ARHGAP24: variants seen among roughly 807,000 people sequenced by gnomAD.
The protein encoded by ARHGAP24 is rho GTPase-activating protein 24.
Under a neutral mutation model 76.4 loss-of-function variants are expected in ARHGAP24, and 50 were observed. The observed-to-expected ratio is 0.65, with a 90% CI of 0.52 to 0.83. The LOEUF (loss-of-function observed/expected upper bound fraction) is 0.83, where lower values mean the gene tolerates loss of function less well. Ranked by LOEUF, ARHGAP24 falls within the 40% of genes least tolerant of loss-of-function variation. The probability of loss-of-function intolerance (pLI) is 0.00; values close to 1 mark genes in which losing one functional copy is unlikely to be tolerated. For missense variants in ARHGAP24, 930 were observed against 914.2 expected (o/e 1.02, Z -0.22); for synonymous variants, 345 against 323.3 (o/e 1.07, Z -0.72).
intron 2 of ARHGAP24, among the ~76,000 whole-genome samples, chr4:85,682,432 A>T (rs1229187383): frequency 6.6e-6 from 1 of 152,216 alleles, no homozygotes; most frequent in Non-Finnish European, 1.5e-5. Flanking sequence ...TCAGGCTTCC[A>T]TGTGGCCCTA....
chr4:85,906,232 C>G (rs992970601), intron 3 of ARHGAP24, among the ~76,000 whole-genome samples: 13 of 152,150 alleles, frequency 8.5e-5, no homozygotes, highest in African/African-American at 3.1e-4. Flanking sequence ...ACCCACCACT[C>G]ACATTAGGAA....
chr4:85,711,539 A>C (rs1451266400), intron 2 of ARHGAP24, among the ~76,000 whole-genome samples: 3 of 152,192 alleles, frequency 2.0e-5, no homozygotes, highest in African/African-American at 7.2e-5. Context: ...GATTTTTTAA[A>C]AATCAAATTC....
chr4:85,508,730 C>T (rs997905511), intron 1 of ARHGAP24, among the ~76,000 whole-genome samples: 2 of 152,162 alleles, frequency 1.3e-5, no homozygotes, highest in African/African-American at 4.8e-5. Context: ...CTGCTTTCAT[C>T]ATCTTTCTCC....
chr4:85,855,504 C>G (rs1373518150), intron 3 of ARHGAP24, among the ~76,000 whole-genome samples: 1 of 151,858 alleles, frequency 6.6e-6, no homozygotes, highest in African/African-American at 2.4e-5. Context: ...GTCAGGAGTT[C>G]GAGACCAGCC....
chr4:85,655,021 T>A (rs529578106), intron 2 of ARHGAP24, among the ~76,000 whole-genome samples: 6 of 152,232 alleles, frequency 3.9e-5, no homozygotes, highest in African/African-American at 1.4e-4. Context: ...CTCCCTTATA[T>A]TGGCATAAAA....
chr4:85,542,039 G>A (rs2110123586), intron 1 of ARHGAP24, among the ~76,000 whole-genome samples: 1 of 152,250 alleles, frequency 6.6e-6, no homozygotes, highest in East Asian at 1.9e-4. Context: ...TGAAAGTAAA[G>A]AGGTGACCCT....
At chr4:85,509,976 C>T (rs1322966342) in intron 1 of ARHGAP24, among the ~76,000 whole-genome samples, 1 of 152,128 alleles carries the variant, frequency 6.6e-6, no homozygotes, top group Non-Finnish European at 1.5e-5. Flanking sequence ...GATGCGCCTC[C>T]ATATGGATGC....
chr4:85,533,679 C>T (rs1032279363), intron 1 of ARHGAP24, among the ~76,000 whole-genome samples: 1 of 152,074 alleles, frequency 6.6e-6, no homozygotes, highest in Non-Finnish European at 1.5e-5. Flanking sequence ...ATCTTTCAGT[C>T]TCTGTGTCAG....
At chr4:85,504,815 C>G (rs1323064077) in intron 1 of ARHGAP24, among the ~76,000 whole-genome samples, 1 of 152,162 alleles carries the variant, frequency 6.6e-6, no homozygotes, top group African/African-American at 2.4e-5. Flanking sequence ...TTCATAGCAT[C>G]GATGGTCTTT....
intron 1 of ARHGAP24, among the ~76,000 whole-genome samples, chr4:85,498,138 CA>C (rs1174064520): frequency 3.3e-5 from 5 of 152,154 alleles, no homozygotes; most frequent in Non-Finnish European, 7.4e-5. Context: ...TGTGAGGAAA[CA>C]AAATACTTGT....
chr4:85,689,191 C>T (rs1210026811), intron 2 of ARHGAP24, among the ~76,000 whole-genome samples: 1 of 152,022 alleles, frequency 6.6e-6, no homozygotes, highest in Admixed American at 6.6e-5. Flanking sequence ...ATGGTTTATT[C>T]TTTCATTTAT....
At chr4:85,799,520 T>C (rs975497249) in intron 3 of ARHGAP24, among the ~76,000 whole-genome samples, 3 of 152,176 alleles carry the variant, frequency 2.0e-5, no homozygotes, top group Non-Finnish European at 4.4e-5. Context: ...GAAGTGAATA[T>C]TCTTTCTTAT....
At chr4:85,823,651 G>A (rs1365765860) in intron 3 of ARHGAP24, among the ~76,000 whole-genome samples, 2 of 152,190 alleles carry the variant, frequency 1.3e-5, no homozygotes, top group Non-Finnish European at 2.9e-5. Context: ...TGCTTTAGGT[G>A]TGTGTGTTTG....
intron 3 of ARHGAP24, among the ~76,000 whole-genome samples, chr4:85,815,467 G>A (rs1236350380): frequency 1.3e-5 from 2 of 152,036 alleles, no homozygotes; most frequent in Non-Finnish European, 2.9e-5. Flanking sequence ...CATCTCTCTC[G>A]AGTTCAAAAT....
At chr4:85,485,125 C>T (rs1722969876) in intron 1 of ARHGAP24, among the ~76,000 whole-genome samples, 1 of 150,922 alleles carries the variant, frequency 6.6e-6, no homozygotes, top group Non-Finnish European at 1.5e-5. Context: ...GCGGGTGGAT[C>T]ACGAGGTCAG....
At chr4:85,606,240 G>A (rs1380593480) in intron 2 of ARHGAP24, among the ~76,000 whole-genome samples, 1 of 152,158 alleles carries the variant, frequency 6.6e-6, no homozygotes, top group Non-Finnish European at 1.5e-5. Flanking sequence ...CAGGCCGGGC[G>A]CGGTGGCTCA....
intron 2 of ARHGAP24, among the ~76,000 whole-genome samples, chr4:85,669,695 G>GAT (rs201057784): frequency 0.33 from 37,848 of 115,414 alleles, 7,730 homozygotes; most frequent in East Asian, 0.86. Context: ...ATATATATGT[G>GAT]ATATATATAG....
At chr4:85,815,558 C>T (rs1196422909) in intron 3 of ARHGAP24, among the ~76,000 whole-genome samples, 2 of 152,218 alleles carry the variant, frequency 1.3e-5, no homozygotes, top group African/African-American at 4.8e-5. Context: ...GCTCCAGCTC[C>T]CAACAAGTTC....
intron 2 of ARHGAP24, among the ~76,000 whole-genome samples, chr4:85,593,595 T>C (rs1319339004): frequency 2.0e-5 from 3 of 152,120 alleles, no homozygotes; most frequent in Non-Finnish European, 4.4e-5. Context: ...TGAAGTCTTA[T>C]ACTTAAATCC....
Sources: gnomAD v4.1 joint callset for allele counts (sites outside exome capture counted in the v4.1 genomes callset) on GRCh38, gnomAD v4.1.1 for gene constraint, MANE v1.5 for transcripts, NCBI Gene and HGNC (gene_info 2026-07-23, HGNC 2026-07-21) for gene names.